Variants in CDH4 observed in about 807,000 individuals in gnomAD.
CDH4 encodes the protein cadherin 4, also known as cadherin-4.
Under a neutral mutation model 86.0 loss-of-function variants are expected in CDH4, and 33 were observed. That is an observed-to-expected ratio of 0.38 (90% CI 0.29 to 0.51). CDH4 has a LOEUF of 0.51. Ranked by LOEUF, CDH4 falls within the 20% of genes least tolerant of loss-of-function variation. The pLI is 0.86. For synonymous variants in CDH4, 555 were observed against 549.4 expected, an observed-to-expected ratio of 1.01 and a Z score of -0.14; for missense variants, 1,114 against 1,307.4, an observed-to-expected ratio of 0.85 and a Z score of 2.28.
chr20:61,765,271 C>T (rs1202726774), intron 3 of CDH4, among the ~76,000 whole-genome samples: 3 of 152,130 alleles, frequency 2.0e-5, no homozygotes, highest in Non-Finnish European at 4.4e-5. Flanking sequence ...AAGTAAGAGG[C>T]GGGAGTGGTG....
At chr20:61,511,841 T>C (rs2085782550) in intron 2 of CDH4, among the ~76,000 whole-genome samples, 1 of 152,202 alleles carries the variant, frequency 6.6e-6, no homozygotes, top group Non-Finnish European at 1.5e-5. Flanking sequence ...CTGAGGGCAC[T>C]GATACACTAA....
At chr20:61,354,881 G>T (rs1316561106) in intron 2 of CDH4, among the ~76,000 whole-genome samples, 1 of 152,218 alleles carries the variant, frequency 6.6e-6, no homozygotes, top group Admixed American at 6.5e-5. Flanking sequence ...GGCACAGGGA[G>T]CCTCTCTCTG....
chr20:61,466,948 G>A (rs2085475647), intron 2 of CDH4, among the ~76,000 whole-genome samples: 2 of 152,100 alleles, frequency 1.3e-5, no homozygotes, highest in African/African-American at 4.8e-5. Flanking sequence ...GTTGCTAAAA[G>A]CATTGGTTCA....
In CDH4 at chr20:61,928,327, G is replaced by A. The variant is rs1219004668; in HGVS notation, c.1909G>A (p.Asp637Asn). 3.7e-6 allele frequency: 6 copies of A among 1,609,976 alleles called. No homozygotes were observed. Among genetic ancestry groups the A allele is most frequent in the Admixed American group, 1.7e-5 (1 of 59,996 alleles). Residue 637 changes from aspartate to asparagine, a missense_variant, in exon 12 of 16, where the codon GAC becomes AAC. Physicochemically the swap from Asp to Asn is conservative, Grantham distance 23. This residue lies in a region of CDH4 where 705 missense variants were observed against 914.1 expected (regional missense o/e 0.77). Transcript: ENST00000614565. ...GAACGCCATCAACATCACGGCGGCC[G>A]ACGCTGACGTCGACCCCAACATCGG... ...NLNAINITAA[D>N]ADVDPNIGPY...
intron 6 of CDH4, among the ~76,000 whole-genome samples, chr20:61,857,190 CCATCTT>C (rs1185166571): frequency 6.6e-6 from 1 of 152,258 alleles, no homozygotes; most frequent in Non-Finnish European, 1.5e-5. Context: ...GGGACACCCT[CCATCTT>C]CATGCGTTCC....
chr20:61,276,526 T>C (rs2084232787), intron 2 of CDH4, among the ~76,000 whole-genome samples: 1 of 152,220 alleles, frequency 6.6e-6, no homozygotes, highest in Non-Finnish European at 1.5e-5. Flanking sequence ...CTAAATCCCA[T>C]GCTATGTCGC....
intron 2 of CDH4, among the ~76,000 whole-genome samples, chr20:61,413,959 T>A (rs2085133580): frequency 6.6e-6 from 1 of 152,104 alleles, no homozygotes; most frequent in African/African-American, 2.4e-5. Context: ...GCAGGGCTGG[T>A]TTCTCCTGAG....
intron 7 of CDH4, among the ~76,000 whole-genome samples, chr20:61,885,083 G>T (rs1049243293): frequency 7.2e-5 from 11 of 152,088 alleles, no homozygotes. Context: ...TGGACATAGG[G>T]TGCTGAGTCC....
intron 2 of CDH4, among the ~76,000 whole-genome samples, chr20:61,325,681 C>G (rs1247176475): frequency 1.3e-5 from 2 of 151,746 alleles, no homozygotes; most frequent in Non-Finnish European, 2.9e-5. Context: ...CGGGCCCCGA[C>G]AGGAAGGGTT....
At chr20:61,871,039 ATGTGTGTGTGTGTG>A (rs10590544) in intron 6 of CDH4, among the ~76,000 whole-genome samples, 1 of 149,754 alleles carries the variant, frequency 6.7e-6, no homozygotes, top group East Asian at 2.0e-4. Flanking sequence ...TATTTATAGG[ATGTGTGTGTGTGTG>A]TGTGTGTGTG....
intron 2 of CDH4, among the ~76,000 whole-genome samples, chr20:61,660,718 C>T (rs1011698678): frequency 2.6e-5 from 4 of 152,164 alleles, no homozygotes; most frequent in African/African-American, 9.7e-5. Flanking sequence ...TAGTCCTCAG[C>T]CACCCTGGGC....
chr20:61,499,148 T>C (rs1224486255), intron 2 of CDH4, among the ~76,000 whole-genome samples: 4 of 152,228 alleles, frequency 2.6e-5, no homozygotes, highest in Admixed American at 2.0e-4. Flanking sequence ...CCCTGCACTG[T>C]GGCTGTGGAG....
At chr20:61,282,323 C>T (rs913909306) in intron 2 of CDH4, among the ~76,000 whole-genome samples, 2 of 152,206 alleles carry the variant, frequency 1.3e-5, no homozygotes, top group South Asian at 4.1e-4. Context: ...TGCGCCACTG[C>T]ACTCCAGCCT....
At chr20:61,600,123 A>G in intron 2 of CDH4, 1 of 225,170 alleles carries the variant, frequency 4.4e-6, no homozygotes, top group Non-Finnish European at 7.4e-6. Flanking sequence ...GCTGAGAATG[A>G]AATGGGGAAG....
intron 2 of CDH4, among the ~76,000 whole-genome samples, chr20:61,401,125 T>C (rs1486653282): frequency 6.6e-6 from 1 of 152,160 alleles, no homozygotes; most frequent in Non-Finnish European, 1.5e-5. Flanking sequence ...AGACGTACTG[T>C]CCTTGGCAGA....
At chr20:61,694,916 G>A (rs1036172434) in intron 2 of CDH4, among the ~76,000 whole-genome samples, 28 of 152,338 alleles carry the variant, frequency 1.8e-4, no homozygotes, top group African/African-American at 1.4e-4. Context: ...GTGCGCCGCC[G>A]GAGAGCTGGA....
intron 2 of CDH4, among the ~76,000 whole-genome samples, chr20:61,672,973 G>A (rs1459098036): frequency 2.0e-5 from 3 of 151,706 alleles, no homozygotes; most frequent in Admixed American, 6.6e-5. Flanking sequence ...GAAGAAGGAG[G>A]CAGGAGAGTG....
intron 2 of CDH4, among the ~76,000 whole-genome samples, chr20:61,732,502 G>A (rs894058232): frequency 4.6e-5 from 7 of 152,120 alleles, no homozygotes; most frequent in African/African-American, 1.7e-4. Context: ...CACTAAGCAT[G>A]CCTCAGGACC....
intron 9 of CDH4, among the ~76,000 whole-genome samples, chr20:61,921,748 CAAA>C (rs11468230): frequency 0.033 from 4,491 of 134,586 alleles, 230 homozygotes; most frequent in African/African-American, 0.12. Context: ...AAGACTCTGT[CAAA>C]AAAAAAAAAA....
Sources: gnomAD v4.1 joint callset for allele counts (sites outside exome capture counted in the v4.1 genomes callset) on GRCh38, gnomAD v4.1.1 for gene constraint, gnomAD v4.1.1 regional missense constraint, MANE v1.5 for transcripts, NCBI Gene and HGNC (gene_info 2026-07-23, HGNC 2026-07-21) for gene names.